The following MICU3 variants were observed in gnomAD, a reference collection of about 807,000 sequenced individuals.
MICU3 encodes calcium uptake protein 3, mitochondrial.
MICU3 carries 62 observed loss-of-function variants against 66.5 expected under a neutral mutation model. The ratio of observed to expected loss-of-function variants is 0.93; its 90% confidence interval spans 0.76 to 1.15. The LOEUF is 1.15. Ranked by LOEUF, MICU3 falls within the 50% of genes most tolerant of loss-of-function variation. MICU3 has a pLI of 0.00. For missense variants in MICU3, 779 were observed against 664.4 expected (o/e 1.17, Z -1.90); for synonymous variants, 308 against 240.7 (o/e 1.28, Z -2.59).
the MICU3 span, among the ~76,000 whole-genome samples, chr8:17,137,510 C>G: frequency 7.8e-6 from 1 of 128,352 alleles, no homozygotes; most frequent in Non-Finnish European, 1.7e-5. Context: ...ACACTATTTC[C>G]TGCTTTTTTT....
chr8:17,097,858 C>T (rs369778707), intron 8 of MICU3, among the ~76,000 whole-genome samples: 7 of 151,742 alleles, frequency 4.6e-5, no homozygotes, highest in African/African-American at 1.7e-4. Flanking sequence ...GTATCCTGTC[C>T]TTGTAATAAA....
At chr8:17,056,770 G>C (rs1817005444) in intron 1 of MICU3, among the ~76,000 whole-genome samples, 1 of 152,214 alleles carries the variant, frequency 6.6e-6, no homozygotes, top group Admixed American at 6.5e-5. Context: ...ACAGTAGAGA[G>C]GGTGTGGCAG....
chr8:17,077,287 C>G (rs1257709068), intron 3 of MICU3, among the ~76,000 whole-genome samples: 1 of 152,184 alleles, frequency 6.6e-6, no homozygotes, highest in African/African-American at 2.4e-5. Context: ...CGTTAAAATA[C>G]TCTTCATTCC....
intron 1 of MICU3, among the ~76,000 whole-genome samples, chr8:17,048,666 A>T (rs1207814973): frequency 6.6e-6 from 1 of 152,170 alleles, no homozygotes. Context: ...CCCAGGCTGG[A>T]GTATGGTGGT....
intron 2 of MICU3, among the ~76,000 whole-genome samples, chr8:17,068,197 A>G (rs562110617): frequency 2.4e-4 from 36 of 152,204 alleles, no homozygotes; most frequent in Non-Finnish European, 4.3e-4. Flanking sequence ...CAGTAACTTC[A>G]TATGAAATAA....
intron 1 of MICU3, among the ~76,000 whole-genome samples, chr8:17,039,032 CA>C (rs368783213): frequency 1.3e-5 from 2 of 151,554 alleles, no homozygotes; most frequent in African/African-American, 4.8e-5. Flanking sequence ...CAGCAACCAC[CA>C]CTCTGATCAG....
chr8:17,118,705 AG>A lies in MICU3; in HGVS notation c.1526del, dbSNP rs747656121. 6.2e-6 allele frequency: 10 copies of A among 1,601,872 alleles called. No individual in the cohort carries two copies. Among genetic ancestry groups the A allele is most frequent in the Non-Finnish European group, 3.4e-6 (4 of 1,170,570 alleles). On this transcript the variant is annotated splice_acceptor_variant, in intron 13 of 14. Transcript: ENST00000318063. LOFTEE classifies it high-confidence loss of function. ...TGCACACTTTGCTCTTCTGTTTTAC[AG>A]GGTTATAAAACAGTCCAGAAGTACC... is the stretch of plus-strand genomic sequence containing the variant.
chr8:17,135,930 A>C, the MICU3 span, among the ~76,000 whole-genome samples: 2 of 152,094 alleles, frequency 1.3e-5, no homozygotes, highest in Non-Finnish European at 2.9e-5. Context: ...TAGTGTAATA[A>C]ACTCAAATAG....
intron 1 of MICU3, among the ~76,000 whole-genome samples, chr8:17,038,398 G>C (rs545643984): frequency 1.3e-5 from 2 of 152,174 alleles, no homozygotes; most frequent in South Asian, 4.1e-4. Context: ...CTGCTGCCAT[G>C]TTAAGACATG....
intron 1 of MICU3, among the ~76,000 whole-genome samples, chr8:17,057,261 C>T (rs1021414673): frequency 6.6e-6 from 1 of 152,072 alleles, no homozygotes; most frequent in Non-Finnish European, 1.5e-5. Flanking sequence ...ATGTCTCAGG[C>T]ACAGGTTGAC....
chr8:17,088,728 C>G (rs1799731625), intron 7 of MICU3, among the ~76,000 whole-genome samples: 1 of 151,714 alleles, frequency 6.6e-6, no homozygotes, highest in African/African-American at 2.4e-5. Flanking sequence ...TTAATACATC[C>G]ATCAAGTAAT....
intron 1 of MICU3, among the ~76,000 whole-genome samples, chr8:17,046,976 A>G (rs987688681): frequency 6.6e-6 from 1 of 152,206 alleles, no homozygotes; most frequent in African/African-American, 2.4e-5. Flanking sequence ...AACACTGGCC[A>G]TATGTGATTC....
At chr8:17,036,100 C>G (rs959766599) in intron 1 of MICU3, among the ~76,000 whole-genome samples, 84 of 152,212 alleles carry the variant, frequency 5.5e-4, no homozygotes, top group African/African-American at 1.9e-3. Flanking sequence ...GAGTCTGTCC[C>G]TTCTGATGTT....
At chr8:17,071,478 A>G (rs1444248433) in intron 3 of MICU3, among the ~76,000 whole-genome samples, 3 of 152,032 alleles carry the variant, frequency 2.0e-5, no homozygotes, top group Admixed American at 6.6e-5. Flanking sequence ...TTATATAATA[A>G]CCTAATTACC....
chr8:17,105,431 A>T lies in MICU3; in HGVS notation c.1104A>T (p.Gln368His), dbSNP rs1280791196. 1.3e-6 allele frequency: 2 copies of T among 1,555,096 alleles called. No homozygotes were observed. The highest frequency in any genetic ancestry group is 2.8e-5 in the African/African-American group (2 of 71,954). ...EDFYRFMDNL[Q>H]TEVLEIEFLS... ...GTCATAGATTCATGGATAATCTCCA[A>T]ACAGAAGTTCTAGAAATAGAATTCC... The change falls in exon 11 of 15, where the codon CAA (glutamine) becomes CAT (histidine). Residue 368 changes from glutamine (Q) to histidine (H), a missense_variant. Coordinates refer to ENST00000318063, the MANE Select transcript of MICU3 (RefSeq NM_181723.3).
rs549731286 is a variant in MICU3, at chr8:17,063,228, G to A, written c.382-856G>A. Among the ~76,000 whole-genome samples, 95 of 151,878 alleles carry A rather than the reference G, an allele frequency of 6.3e-4. 3 individuals carry two copies. In the South Asian group the frequency reaches 0.017, roughly 27 times the overall value. On this transcript the variant is annotated intron_variant, in intron 1 of 14. Coordinates refer to ENST00000318063, the MANE Select transcript of MICU3 (RefSeq NM_181723.3). ...TAGATTCTGTCTTCTAATTTTATAC[G>A]GTAACTACTAGAATATTTAGTGACA... is the stretch of plus-strand genomic sequence containing the variant.
chr8:17,101,734 TTTAA>T (rs1801273562), intron 9 of MICU3, among the ~76,000 whole-genome samples: 1 of 151,898 alleles, frequency 6.6e-6, no homozygotes, highest in Non-Finnish European at 1.5e-5. Context: ...AACCACTCAT[TTTAA>T]GGCTTTTTTT....
intron 3 of MICU3, among the ~76,000 whole-genome samples, chr8:17,071,971 AATCT>A (rs1181004684): frequency 6.6e-6 from 1 of 152,166 alleles, no homozygotes; most frequent in Non-Finnish European, 1.5e-5. Context: ...TGATCCTCCA[AATCT>A]ATCTATAAAT....
intron 7 of MICU3, among the ~76,000 whole-genome samples, chr8:17,087,340 A>C (rs1050417332): frequency 6.6e-6 from 1 of 152,050 alleles, no homozygotes; most frequent in Non-Finnish European, 1.5e-5. Context: ...TGCATGTAAA[A>C]ATTTAAAGGT....
Sources: allele counts gnomAD v4.1 joint callset (sites outside exome capture counted in the v4.1 genomes callset), GRCh38; gene constraint gnomAD v4.1.1; transcripts MANE v1.5; gene names NCBI Gene and HGNC (gene_info 2026-07-23, HGNC 2026-07-21).